Variants in SMARCC1 observed in about 807,000 individuals in gnomAD.
SMARCC1 encodes SWI/SNF related BAF chromatin remodeling complex subunit C1.
In SMARCC1, 43 loss-of-function variants were observed where a neutral mutation model predicts 147.4. The observed-to-expected ratio is 0.29, with a 90% CI of 0.23 to 0.38. The LOEUF is 0.38. SMARCC1 is among the 10% of genes least tolerant of loss of function. The pLI is 1.00. For missense variants in SMARCC1, 1,119 were observed against 1,381.1 expected (o/e 0.81, Z 3.01); for synonymous variants, 495 against 484.4 (o/e 1.02, Z -0.29).
intron 20 of SMARCC1, 107 bp from the exon 21 acceptor site, chr3:47,661,562 A>G: frequency 1.2e-6 from 1 of 806,634 alleles, no homozygotes; most frequent in South Asian, 1.8e-5. Context: ...TCTTAGGTGT[A>G]GCAACCTCTT....
At chr3:47,639,989 T>C (rs2106708242) in intron 21 of SMARCC1, among the ~76,000 whole-genome samples, 1 of 152,140 alleles carries the variant, frequency 6.6e-6, no homozygotes, top group African/African-American at 2.4e-5. Context: ...AAGTGAGTCC[T>C]CAACAAATTT....
At chr3:47,645,876 T>C (rs2033114898) in intron 21 of SMARCC1, among the ~76,000 whole-genome samples, 1 of 152,232 alleles carries the variant, frequency 6.6e-6, no homozygotes, top group Non-Finnish European at 1.5e-5. Flanking sequence ...AATATTAATA[T>C]CTATATGATA....
Position 47,701,465 on chromosome 3 carries a change from T to C in SMARCC1, c.1041-63A>G, listed in dbSNP as rs185705514. 1.4e-5 allele frequency: 21 copies of C among 1,457,050 alleles called. No individual in the cohort carries two copies. In the African/African-American group the frequency reaches 2.8e-4, roughly 19 times the overall value. The allele number at this position is 1,457,050 out of a possible 1,614,324, so 90.3% of individuals were successfully genotyped here. A position where few individuals can be genotyped will look rare whatever the true frequency, so the allele number is the denominator to read the frequency against. The stretch of plus-strand genomic sequence containing the variant: ...ATTATAGCTACTGATAGCAAACAGT[T>C]TCTGAGGTTGTACACCTTCATTATT... On this transcript the variant is annotated intron_variant, in intron 10 of 27. Transcript: ENST00000254480.
In SMARCC1 at chr3:47,638,777, C is replaced by T. The variant is rs201467054; in HGVS notation, c.2324G>A (p.Gly775Glu). Reference sequence around the variant, plus strand: ...GGCTTCCATTTTTTCCTCTTCAGCTCCTTCTACAAGTAAAAGAATAAGAAC... The same window carrying T: ...GGCTTCCATTTTTTCCTCTTCAGCTTCTTCTACAAGTAAAAGAATAAGAAC... ...TGPDEPEKLE[G>E]AEEEKMEADP... Residue 775 changes from glycine (G) to glutamate (E), a missense_variant, in exon 22 of 28, where the codon GGA becomes GAA. Gly to Glu is a moderately conservative substitution (Grantham distance 98, BLOSUM62 -2). Around this residue, in one of 6 missense-constraint regions of SMARCC1, gnomAD observed 157 missense variants for 158.6 expected, o/e 0.99. Coordinates refer to ENST00000254480, the MANE Select transcript of SMARCC1 (RefSeq NM_003074.4). 17 of 1,610,780 alleles carry T rather than the reference C, an allele frequency of 1.1e-5. No individual in the cohort carries two copies. The highest frequency in any genetic ancestry group is 1.7e-5 in the Admixed American group (1 of 60,016).
intron 2 of SMARCC1, among the ~76,000 whole-genome samples, chr3:47,762,727 G>C (rs1400337823): frequency 6.6e-6 from 1 of 152,126 alleles, no homozygotes; most frequent in Non-Finnish European, 1.5e-5. Context: ...TTTGAGATCA[G>C]CCTGGCCAAC....
chr3:47,617,925 T>C (rs549637826), intron 25 of SMARCC1, among the ~76,000 whole-genome samples: 49 of 152,300 alleles, frequency 3.2e-4, no homozygotes, highest in Admixed American at 1.6e-3. Flanking sequence ...ATAGCTCCCA[T>C]TTTGTGTGCT....
chr3:47,607,405 A>G (rs1327165393), intron 26 of SMARCC1, among the ~76,000 whole-genome samples: 1 of 152,248 alleles, frequency 6.6e-6, no homozygotes, highest in Non-Finnish European at 1.5e-5. Flanking sequence ...GTGTGTTGAT[A>G]ATACCGTGAC....
chr3:47,692,175 G>T (rs915191303), intron 12 of SMARCC1, among the ~76,000 whole-genome samples: 1 of 152,132 alleles, frequency 6.6e-6, no homozygotes, highest in Admixed American at 6.5e-5. Context: ...GTGAAGAAAA[G>T]AAATCAAGCC....
At chr3:47,688,633 T>C (rs2033758041) in intron 13 of SMARCC1, among the ~76,000 whole-genome samples, 1 of 152,208 alleles carries the variant, frequency 6.6e-6, no homozygotes, top group South Asian at 2.1e-4. Context: ...GAGGTATCGC[T>C]ACAGCAGAAT....
intron 19 of SMARCC1, among the ~76,000 whole-genome samples, chr3:47,669,630 T>C (rs2033470565): frequency 6.6e-6 from 1 of 151,902 alleles, no homozygotes; most frequent in South Asian, 2.1e-4. Context: ...TATATTAAAA[T>C]AGAGGCAAAA....
In SMARCC1 at chr3:47,688,126, G is replaced by A. The variant is rs2033748294; in HGVS notation, c.1263+1261C>T. Among the ~76,000 whole-genome samples the A allele has an allele frequency of 1.3e-5, 2 of 152,024 alleles. 1 individual carries two copies. Among genetic ancestry groups the A allele is most frequent in the South Asian group, 4.2e-4 (2 of 4,818 alleles). The stretch of plus-strand genomic sequence containing the variant: ...AATACAAAAATTAGCTGGGCGTGGT[G>A]GTGCATGCCTGTAATCCCAGCTACT... On this transcript the variant is annotated intron_variant, in intron 13 of 27. Coordinates refer to ENST00000254480, the MANE Select transcript of SMARCC1 (RefSeq NM_003074.4).
chr3:47,587,837 C>A lies in SMARCC1; in HGVS notation c.*372G>T. On this transcript the variant is annotated 3_prime_UTR_variant, in exon 28 of 28. Transcript: ENST00000254480. ...AAGATAATGATTATATAGCATTATC[C>A]ATAGAAGCATAAGACAAAGCAAAAA... 4.7e-6 allele frequency: 1 copy of A among 213,854 alleles called. No individual in the cohort carries two copies. The allele number at this position is 213,854 out of a possible 1,614,324, so 13.2% of individuals were successfully genotyped here.
At chr3:47,614,120 A>G (rs1330216945) in intron 25 of SMARCC1, among the ~76,000 whole-genome samples, 1 of 152,252 alleles carries the variant, frequency 6.6e-6, no homozygotes, top group African/African-American at 2.4e-5. Flanking sequence ...TGTATCAGTG[A>G]TGAGAAATTC....
At chr3:47,777,837 T>A (rs1475193796) in intron 1 of SMARCC1, among the ~76,000 whole-genome samples, 1 of 151,892 alleles carries the variant, frequency 6.6e-6, no homozygotes, top group African/African-American at 2.4e-5. Flanking sequence ...CTCAGTCCAA[T>A]TTTTAATAAA....
rs774161881 is a variant in SMARCC1 at position 47,693,350 on chromosome 3, C to A, written c.1166-50G>T. 7 of 1,093,292 alleles carry A rather than the reference C, an allele frequency of 6.4e-6. No homozygotes were observed. In the South Asian group the frequency reaches 8.9e-5, roughly 14 times the overall value. 67.7% of individuals were successfully genotyped at this position (1,093,292 alleles called of 1,614,324 possible). ...TGTTTATGTGGGAAAAGTTGTACTT[C>A]TTTTTAGAAAGAAAACAGAATAGGA... On this transcript the variant is annotated intron_variant, in intron 11 of 27. Transcript: ENST00000254480.
intron 1 of SMARCC1, among the ~76,000 whole-genome samples, chr3:47,773,343 C>G (rs567060751): frequency 6.6e-6 from 1 of 150,806 alleles, no homozygotes; most frequent in South Asian, 2.1e-4. Flanking sequence ...GATAGGCTAG[C>G]CTCAAACTCC....
In SMARCC1 at chr3:47,622,383, G is replaced by A. The variant is rs541575568; in HGVS notation, c.2647-42C>T. On this transcript the variant is annotated intron_variant, in intron 24 of 27. Coordinates refer to ENST00000254480, the MANE Select transcript of SMARCC1 (RefSeq NM_003074.4). ...ATTCAAGCTATTTAGGTAAACATTTGCTTAAAGAACATTAAGAAAATGCTG... is the reference window on the plus strand; with the variant it reads ...ATTCAAGCTATTTAGGTAAACATTTACTTAAAGAACATTAAGAAAATGCTG... 22 of 1,591,748 alleles carry A rather than the reference G, an allele frequency of 1.4e-5. No individual in the cohort carries two copies. The African/African-American group carries it at 2.6e-4, about 19-fold the overall frequency.
At chr3:47,772,437 T>C (rs993764525) in intron 2 of SMARCC1, among the ~76,000 whole-genome samples, 2 of 152,142 alleles carry the variant, frequency 1.3e-5, no homozygotes, top group Non-Finnish European at 1.5e-5. Context: ...ACCAAAATTA[T>C]ATTCTCACAC....
intron 7 of SMARCC1, 51 bp downstream of exon 7, chr3:47,720,615 C>T (rs1029164093): frequency 2.6e-6 from 3 of 1,175,722 alleles, no homozygotes; most frequent in Non-Finnish European, 3.7e-6. Flanking sequence ...ATAAATGTGC[C>T]TTCCTTTCAC....
Sources: gnomAD v4.1 joint callset for allele counts (sites outside exome capture counted in the v4.1 genomes callset) on GRCh38, gnomAD v4.1.1 for gene constraint, gnomAD v4.1.1 regional missense constraint, MANE v1.5 for transcripts, NCBI Gene and HGNC (gene_info 2026-07-23, HGNC 2026-07-21) for gene names.